Variants in FLNB observed in about 807,000 individuals in gnomAD.
FLNB encodes filamin-B.
A neutral mutation model predicts 250.6 loss-of-function variants in FLNB; 111 were observed. That is an observed-to-expected ratio of 0.44 (90% confidence interval 0.38 to 0.52). The LOEUF (loss-of-function observed/expected upper bound fraction) is 0.52. Ranked by LOEUF, FLNB falls within the 20% of genes least tolerant of loss-of-function variation. FLNB has a pLI of 0.00. For synonymous variants in FLNB, 1,302 were observed against 1,372.1 expected (o/e 0.95, Z 1.13); for missense variants, 2,869 against 3,447.8 (o/e 0.83, Z 4.20).
rs1216502639 is a variant in FLNB at position 58,109,240 on chromosome 3, G to A, written c.2117G>A (p.Cys706Tyr). Residue 706 changes from cysteine (C) to tyrosine (Y), a missense_variant, in exon 14 of 46, where the codon TGC (cysteine) becomes TAC (tyrosine). This residue lies in a region of FLNB where 1,348 missense variants were observed against 1,466.7 expected (regional missense o/e 0.92). Coordinates refer to ENST00000295956, the MANE Select transcript of FLNB (RefSeq NM_001457.4). ...AACCGGATGGACGGCACATATGCAT[G>A]CTCATACACCCCGGTGAAGGCCATC... The part of the protein sequence containing the change: ...MKNRMDGTYA[C>Y]SYTPVKAIKH... The A allele has an allele frequency of 1.2e-6, 2 of 1,614,252 alleles. No individual in the cohort carries two copies. Among genetic ancestry groups the A allele is most frequent in the South Asian group, 1.1e-5 (1 of 91,088 alleles).
intron 1 of FLNB, among the ~76,000 whole-genome samples, chr3:58,067,604 GTT>G (rs11303606): frequency 5.8e-5 from 8 of 137,136 alleles, no homozygotes; most frequent in Non-Finnish European, 9.4e-5. Flanking sequence ...TTTTTTTTTT[GTT>G]TTTTTTTTGG....
At chr3:58,055,434 C>G (rs2097169011) in intron 1 of FLNB, among the ~76,000 whole-genome samples, 1 of 152,138 alleles carries the variant, frequency 6.6e-6, no homozygotes, top group African/African-American at 2.4e-5. Flanking sequence ...TGTGGAGAGA[C>G]CCATTTTCAG....
chr3:58,053,507 C>T (rs1031393937), intron 1 of FLNB, among the ~76,000 whole-genome samples: 1 of 152,240 alleles, frequency 6.6e-6, no homozygotes, highest in Non-Finnish European at 1.5e-5. Context: ...GTCACCCGGG[C>T]TGGAGTGCAG....
At chr3:58,102,067 C>G (rs908921272) in intron 8 of FLNB, 136 bp from the exon 9 acceptor site, 42 of 890,662 alleles carry the variant, frequency 4.7e-5, no homozygotes, top group Non-Finnish European at 7.3e-5. Flanking sequence ...GAGTGGGACC[C>G]CTGGTCTTGG....
intron 2 of FLNB, chr3:58,078,461 C>T: frequency 6.5e-7 from 1 of 1,535,774 alleles, no homozygotes; most frequent in Non-Finnish European, 8.7e-7. Flanking sequence ...ACCACTTCTT[C>T]AAGGAATGGA....
At chr3:58,083,239 CTTTTTTT>C (rs71091340) in intron 4 of FLNB, among the ~76,000 whole-genome samples, 3 of 136,452 alleles carry the variant, frequency 2.2e-5, no homozygotes, top group African/African-American at 8.2e-5. Context: ...TTTCCCCAAA[CTTTTTTT>C]TTTTTTTTTT....
At position 58,104,061 on chromosome 3, in the gene FLNB, G is replaced by T. The variant is rs145086495; in HGVS notation, c.1586G>T (p.Trp529Leu). Residue 529 changes from tryptophan to leucine, a missense_variant, in exon 10 of 46, where the codon TGG (tryptophan) becomes TTG (leucine). Around this residue, in one of 5 missense-constraint regions of FLNB, gnomAD observed 1,348 missense variants for 1,466.7 expected, o/e 0.92. Coordinates refer to ENST00000295956, the MANE Select transcript of FLNB (RefSeq NM_001457.4). ...GGGAGATACAGCATTGCCATCACAT[G>T]GGGGGGACACCACATTCCAAAGAGG... Reference protein sequence around the residue: ...TPGRYSIAITWGGHHIPKSPF... With the variant: ...TPGRYSIAITLGGHHIPKSPF... 8 of 1,613,246 alleles carry T rather than the reference G, an allele frequency of 5.0e-6. No homozygotes were observed. The highest frequency in any genetic ancestry group is 4.5e-5 in the East Asian group (2 of 44,854).
At chr3:58,147,275 C>T (rs971225838) in intron 34 of FLNB, among the ~76,000 whole-genome samples, 1 of 152,200 alleles carries the variant, frequency 6.6e-6, no homozygotes, top group African/African-American at 2.4e-5. Context: ...ATGGAGTGTT[C>T]GAATCATACT....
intron 19 of FLNB, among the ~76,000 whole-genome samples, chr3:58,120,468 C>T (rs181441609): frequency 2.0e-5 from 3 of 152,096 alleles, no homozygotes; most frequent in Non-Finnish European, 2.9e-5. Context: ...GTGGCAGGGG[C>T]CCTGTGTTCC....
rs372372509 is a variant in FLNB at position 58,148,293 on chromosome 3, C to T, written c.5816C>T (p.Thr1939Met). The change falls in exon 35 of 46, where the codon ACG becomes ATG. Residue 1939 changes from threonine to methionine, a missense_variant. Around this residue, in one of 5 missense-constraint regions of FLNB, gnomAD observed 1,084 missense variants for 1,315.5 expected, o/e 0.82. Transcript: ENST00000295956. ...DISETDLSSLTASIKAPSGRD... is the reference protein window; with the variant it reads ...DISETDLSSLMASIKAPSGRD... ...AGTGAGACTGACCTCAGCAGCCTGA[C>T]GGCCAGCATTAAGGCCCCATCTGGC... 300 of 1,614,112 alleles carry T rather than the reference C, an allele frequency of 1.9e-4. 3 individuals carry two copies. In the South Asian group the frequency reaches 2.5e-3, roughly 13 times the overall value.
intron 6 of FLNB, among the ~76,000 whole-genome samples, chr3:58,096,613 A>G (rs2097239153): frequency 1.3e-5 from 2 of 152,112 alleles, no homozygotes; most frequent in Non-Finnish European, 2.9e-5. Context: ...GGCTCAAGCG[A>G]TCCTCTCACC....
chr3:58,109,737 C>A (rs540334125), intron 15 of FLNB, 38 bp downstream of exon 15: 2 of 1,613,632 alleles, frequency 1.2e-6, no homozygotes, highest in East Asian at 2.2e-5. Flanking sequence ...GATCATTGCT[C>A]CGTGGGGAAG....
At chr3:58,138,170 G>C (rs1358201527) in intron 28 of FLNB, 112 bp from the exon 29 acceptor site, 7 of 1,412,128 alleles carry the variant, frequency 5.0e-6, no homozygotes, top group East Asian at 4.6e-5. Flanking sequence ...AATGGCAGCA[G>C]TTGGAGGCCT....
intron 1 of FLNB, among the ~76,000 whole-genome samples, chr3:58,033,130 A>T (rs1285540990): frequency 6.6e-6 from 1 of 152,220 alleles, no homozygotes; most frequent in South Asian, 2.1e-4. Flanking sequence ...TTGTTATACA[A>T]TGAAGAACAC....
intron 1 of FLNB, among the ~76,000 whole-genome samples, chr3:58,075,025 CT>C (rs34664964): frequency 2.0e-5 from 3 of 152,046 alleles, no homozygotes; most frequent in Non-Finnish European, 2.9e-5. Context: ...TAAAGAGGGT[CT>C]TTTTTTGCAA....
intron 1 of FLNB, among the ~76,000 whole-genome samples, chr3:58,037,058 CTTTTTTTTTTTT>C (rs549716136): frequency 1.7e-3 from 178 of 103,616 alleles, no homozygotes; most frequent in African/African-American, 6.0e-3. Context: ...ACATTAGAGT[CTTTTTTTTTTTT>C]TTTTTTTTTT....
intron 1 of FLNB, among the ~76,000 whole-genome samples, chr3:58,016,043 C>A (rs539861650): frequency 1.1e-4 from 17 of 151,460 alleles, no homozygotes; most frequent in Admixed American, 2.0e-4. Flanking sequence ...GGGTATGCTC[C>A]TTGAGTTTGT....
At position 58,138,036 on chromosome 3, in the gene FLNB, T is replaced by A. The variant is rs899721235; in HGVS notation, c.4862-246T>A. ...CCTTCATTGCCATACCTTTAAATGC[T>A]GGCAAACCCAGGCTAACCTTTAGTC... On this transcript the variant is annotated intron_variant, in intron 28 of 45. Transcript: ENST00000295956. Among the ~76,000 whole-genome samples, 5 of 152,368 alleles carry A rather than the reference T, an allele frequency of 3.3e-5. No homozygotes were observed. The East Asian group carries it at 9.6e-4, about 29-fold the overall frequency.
At chr3:58,117,429 A>G (rs1300391097) in intron 18 of FLNB, among the ~76,000 whole-genome samples, 1 of 152,138 alleles carries the variant, frequency 6.6e-6, no homozygotes, top group Admixed American at 6.5e-5. Flanking sequence ...CTTTTTTAGC[A>G]CTTCAGAGAA....
Sources: allele counts gnomAD v4.1 joint callset (sites outside exome capture counted in the v4.1 genomes callset), GRCh38; gene constraint gnomAD v4.1.1; regional missense constraint gnomAD v4.1.1; transcripts MANE v1.5; gene names NCBI Gene and HGNC (gene_info 2026-07-23, HGNC 2026-07-21).